MYRIP: variants seen among roughly 807,000 people sequenced by gnomAD.
MYRIP encodes myosin VIIA and Rab interacting protein, also known as rab effector MyRIP.
In MYRIP, 49 loss-of-function variants were observed where a neutral mutation model predicts 98.0. The ratio of observed to expected loss-of-function variants is 0.50; its 90% CI spans 0.40 to 0.63. The LOEUF (loss-of-function observed/expected upper bound fraction) is 0.63. Among genes scored for constraint, MYRIP ranks in the 30% least tolerant of loss-of-function variants. The pLI is 0.00. For missense variants in MYRIP, 1,004 were observed against 1,058.2 expected, an observed-to-expected ratio of 0.95 and a Z score of 0.71; for synonymous variants, 404 against 409.5, an observed-to-expected ratio of 0.99 and a Z score of 0.16.
At chr3:40,180,398 AG>A (rs1279273998) in intron 8 of MYRIP, among the ~76,000 whole-genome samples, 1 of 152,264 alleles carries the variant, frequency 6.6e-6, no homozygotes, top group Non-Finnish European at 1.5e-5. Flanking sequence ...CACTGCTAAA[AG>A]AACATTACCC....
rs191243831 is a variant in MYRIP, at chr3:40,022,942, T to C, written c.111-21108T>C. On this transcript the variant is annotated intron_variant, in intron 2 of 16. Transcript: ENST00000302541. ...AAAAGAGACTGGCAGTTACAGATCCTAGGCAAAAATTCCAGGCAGTGACAA... is the reference window on the plus strand; with the variant it reads ...AAAAGAGACTGGCAGTTACAGATCCCAGGCAAAAATTCCAGGCAGTGACAA... 1.5e-3 allele frequency among the ~76,000 whole-genome samples: 231 copies of C among 152,306 alleles called. 2 individuals carry two copies. Among genetic ancestry groups the C allele is most frequent in the African/African-American group, 5.4e-3 (226 of 41,570 alleles).
chr3:40,224,177 G>A (rs1952424788), intron 11 of MYRIP, among the ~76,000 whole-genome samples: 1 of 152,122 alleles, frequency 6.6e-6, no homozygotes, highest in Non-Finnish European at 1.5e-5. Flanking sequence ...TTATATTCTG[G>A]TGAGGTAGAA....
At chr3:40,126,019 A>G (rs543176779) in intron 3 of MYRIP, among the ~76,000 whole-genome samples, 4 of 152,306 alleles carry the variant, frequency 2.6e-5, no homozygotes, top group African/African-American at 9.6e-5. Context: ...AAGGGCCTTC[A>G]TGCTGTCAGG....
chr3:40,204,144 TA>T, intron 10 of MYRIP, among the ~76,000 whole-genome samples: 1 of 30,966 alleles, frequency 3.2e-5, no homozygotes, highest in African/African-American at 9.3e-5. Flanking sequence ...ATATATTATA[TA>T]ATATATAAAT....
At chr3:39,968,818 G>A (rs1420996914) in intron 2 of MYRIP, among the ~76,000 whole-genome samples, 1 of 151,898 alleles carries the variant, frequency 6.6e-6, no homozygotes, top group Non-Finnish European at 1.5e-5. Flanking sequence ...TCTTTTTTTG[G>A]TTCCATATGA....
chr3:39,832,030 G>A (rs1000525870), intron 1 of MYRIP, among the ~76,000 whole-genome samples: 1 of 152,210 alleles, frequency 6.6e-6, no homozygotes, highest in Non-Finnish European at 1.5e-5. Context: ...TTTAATGTGG[G>A]AAATGTTGGA....
chr3:39,945,453 G>T (rs1387990192), intron 2 of MYRIP, among the ~76,000 whole-genome samples: 1 of 145,360 alleles, frequency 6.9e-6, no homozygotes, highest in Non-Finnish European at 1.5e-5. Flanking sequence ...CTCCAGCCTG[G>T]GTGACAGAGC....
chr3:40,145,802 A>T (rs1472465850), intron 3 of MYRIP, among the ~76,000 whole-genome samples: 1 of 152,236 alleles, frequency 6.6e-6, no homozygotes, highest in South Asian at 2.1e-4. Context: ...GATCAGTTAC[A>T]TAAAGCTTGC....
chr3:40,015,792 A>G (rs888112721), intron 2 of MYRIP, among the ~76,000 whole-genome samples: 1 of 152,236 alleles, frequency 6.6e-6, no homozygotes, highest in African/African-American at 2.4e-5. Flanking sequence ...TTATGATAAT[A>G]CTGTTGATAA....
At chr3:39,951,356 G>A (rs1945009827) in intron 2 of MYRIP, among the ~76,000 whole-genome samples, 1 of 152,006 alleles carries the variant, frequency 6.6e-6, no homozygotes, top group South Asian at 2.1e-4. Flanking sequence ...AAGGAGATTG[G>A]TGGAATTCAG....
At chr3:39,978,438 T>C (rs978072036) in intron 2 of MYRIP, among the ~76,000 whole-genome samples, 3 of 152,324 alleles carry the variant, frequency 2.0e-5, no homozygotes, top group Non-Finnish European at 2.9e-5. Context: ...CAGTCTCTCT[T>C]GTCTGCCTGT....
intron 3 of MYRIP, among the ~76,000 whole-genome samples, chr3:40,101,272 C>T (rs1029035867): frequency 6.6e-6 from 1 of 152,140 alleles, no homozygotes; most frequent in East Asian, 1.9e-4. Context: ...TCATAAAAAG[C>T]AGCTTTCTGG....
chr3:40,129,473 A>ACC (rs1559412587), intron 3 of MYRIP, among the ~76,000 whole-genome samples: 1 of 133,194 alleles, frequency 7.5e-6, no homozygotes, highest in Non-Finnish European at 1.6e-5. Context: ...AAAAAAAAAA[A>ACC]AAATCATGCC....
intron 10 of MYRIP, among the ~76,000 whole-genome samples, chr3:40,205,522 G>A (rs930856058): frequency 5.3e-5 from 8 of 152,136 alleles, no homozygotes; most frequent in African/African-American, 1.9e-4. Context: ...TGGGGAGTTT[G>A]AGACACCACA....
At chr3:39,853,938 T>C (rs1942213073) in intron 1 of MYRIP, among the ~76,000 whole-genome samples, 1 of 152,200 alleles carries the variant, frequency 6.6e-6, no homozygotes, top group South Asian at 2.1e-4. Context: ...TATAAAGAGA[T>C]AGATGAGGAC....
At chr3:39,989,924 A>T (rs921050062) in intron 2 of MYRIP, among the ~76,000 whole-genome samples, 1 of 152,050 alleles carries the variant, frequency 6.6e-6, no homozygotes, top group Non-Finnish European at 1.5e-5. Flanking sequence ...CTGCCCTTAG[A>T]GCTTAGTTTG....
At chr3:40,237,845 C>T (rs1485894351) in intron 12 of MYRIP, among the ~76,000 whole-genome samples, 1 of 152,240 alleles carries the variant, frequency 6.6e-6, no homozygotes, top group Admixed American at 6.5e-5. Context: ...GTTTAAATGA[C>T]AATGGTCAGT....
At chr3:40,022,619 G>A (rs145840468) in intron 2 of MYRIP, among the ~76,000 whole-genome samples, 211 of 152,260 alleles carry the variant, frequency 1.4e-3, no homozygotes, top group African/African-American at 4.8e-3. Context: ...TGGAATGCTC[G>A]TGTGCAATGC....
intron 11 of MYRIP, 37 bp from the exon 12 acceptor site, chr3:40,233,822 C>A (rs1328212200): frequency 1.3e-6 from 2 of 1,578,656 alleles, no homozygotes; most frequent in Non-Finnish European, 1.7e-6. Context: ...ATGTGCTGTT[C>A]TTGTCTTCTG....
Sources: allele counts gnomAD v4.1 joint callset (sites outside exome capture counted in the v4.1 genomes callset), GRCh38; gene constraint gnomAD v4.1.1; transcripts MANE v1.5; gene names NCBI Gene and HGNC (gene_info 2026-07-23, HGNC 2026-07-21).